Variants in RASGRP3 observed in about 807,000 individuals in gnomAD.
RASGRP3 encodes the protein ras guanyl-releasing protein 3.
RASGRP3 carries 54 observed loss-of-function variants against 82.7 expected under a neutral mutation model. The observed-to-expected ratio is 0.65, with a 90% CI of 0.52 to 0.82. RASGRP3 has a LOEUF of 0.82. Ranked by LOEUF, RASGRP3 falls within the 40% of genes least tolerant of loss-of-function variation. The pLI, the probability that RASGRP3 is intolerant of heterozygous loss-of-function variation, is 0.00. For missense variants in RASGRP3, 861 were observed against 828.9 expected (o/e 1.04, Z -0.48); for synonymous variants, 309 against 300.5 (o/e 1.03, Z -0.29).
intron 17 of RASGRP3, among the ~76,000 whole-genome samples, chr2:33,560,168 T>G (rs1380004467): frequency 1.3e-5 from 2 of 152,172 alleles, no homozygotes; most frequent in African/African-American, 4.8e-5. Context: ...ATCACTACAA[T>G]CTAATTTTAG....
At chr2:33,457,390 C>T (rs1054835499) in intron 2 of RASGRP3, among the ~76,000 whole-genome samples, 3 of 151,872 alleles carry the variant, frequency 2.0e-5, no homozygotes, top group African/African-American at 7.3e-5. Context: ...TGAAAACATG[C>T]TTTATTGTAA....
At chr2:33,561,940 T>TATC (rs1449009310) in intron 17 of RASGRP3, among the ~76,000 whole-genome samples, 1 of 152,226 alleles carries the variant, frequency 6.6e-6, no homozygotes, top group Admixed American at 6.5e-5. Context: ...TGTTTTCCTT[T>TATC]ATCTTCTACT....
chr2:33,523,192 G>A (rs1331449034), intron 7 of RASGRP3, among the ~76,000 whole-genome samples: 2 of 152,030 alleles, frequency 1.3e-5, no homozygotes, highest in East Asian at 1.9e-4. Flanking sequence ...GGAGATTCTT[G>A]GCCGGGCGCG....
At chr2:33,460,764 C>T (rs949621129) in intron 2 of RASGRP3, among the ~76,000 whole-genome samples, 1 of 152,110 alleles carries the variant, frequency 6.6e-6, no homozygotes, top group Non-Finnish European at 1.5e-5. Context: ...ATCAGCCTGC[C>T]TCAGCCTCCC....
Position 33,543,560 on chromosome 2 carries a change from G to C in RASGRP3, c.1327G>C (p.Glu443Gln), listed in dbSNP as rs62149026. The C allele has an allele frequency of 1.7e-4, 282 of 1,611,972 alleles. No individual in the cohort carries two copies. The highest frequency in any genetic ancestry group is 2.2e-4 in the Non-Finnish European group (264 of 1,178,424). Residue 443 changes from glutamate (E) to glutamine (Q), a missense_variant, in exon 13 of 18, where the codon GAG becomes CAG. Physicochemically the swap from Glu to Gln is conservative, Grantham distance 29. Transcript: ENST00000403687. Reference protein sequence around the residue: ...DHDHDGYISQEDFESIAANFP... With the variant: ...DHDHDGYISQQDFESIAANFP... Reference sequence around the variant, plus strand: ...CGACCATGATGGGTACATTTCCCAAGAGGACTTTGAAAGTATAGCTGCCAA... The same window carrying C: ...CGACCATGATGGGTACATTTCCCAACAGGACTTTGAAAGTATAGCTGCCAA...
In RASGRP3 at chr2:33,516,051, C is replaced by T. The variant is rs188935088; in HGVS notation, c.71-491C>T. 7.6e-4 allele frequency among the ~76,000 whole-genome samples: 116 copies of T among 152,224 alleles called. 1 individual carries two copies. The highest frequency in any genetic ancestry group is 2.5e-3 in the Admixed American group (38 of 15,290). ...TTTACTAAAACTGTCAACTGTAGACCAGAGGAAGGGTAAGACCCACCCACC... is the reference window on the plus strand; with the variant it reads ...TTTACTAAAACTGTCAACTGTAGACTAGAGGAAGGGTAAGACCCACCCACC... On this transcript the variant is annotated intron_variant, in intron 3 of 17. Transcript: ENST00000403687.
At chr2:33,518,114 A>G (rs12475635) in intron 4 of RASGRP3, among the ~76,000 whole-genome samples, 95,647 of 152,044 alleles carry the variant, frequency 0.63, 30,646 homozygotes, top group Middle Eastern at 0.76. Flanking sequence ...ACGGGGATAC[A>G]TTCTAAGAAA....
chr2:33,500,888 C>A (rs528757542), intron 1 of RASGRP3, among the ~76,000 whole-genome samples: 1 of 152,078 alleles, frequency 6.6e-6, no homozygotes, highest in Non-Finnish European at 1.5e-5. Context: ...GAGCCAAGAT[C>A]GCACCACTGC....
intron 1 of RASGRP3, among the ~76,000 whole-genome samples, chr2:33,501,842 T>C (rs1669902547): frequency 6.6e-6 from 1 of 152,156 alleles, no homozygotes; most frequent in South Asian, 2.1e-4. Context: ...GAAGAGATGT[T>C]GCCAGGAAAA....
chr2:33,535,479 A>G (rs1673516033), intron 11 of RASGRP3, among the ~76,000 whole-genome samples: 1 of 152,256 alleles, frequency 6.6e-6, no homozygotes, highest in African/African-American at 2.4e-5. Context: ...ATTGGCAGTG[A>G]CTATGCCCCC....
At chr2:33,510,964 A>G (rs1670869824) in intron 1 of RASGRP3, among the ~76,000 whole-genome samples, 1 of 152,208 alleles carries the variant, frequency 6.6e-6, no homozygotes, top group Admixed American at 6.5e-5. Context: ...CAACCTCAGA[A>G]GGATGTTTTT....
intron 2 of RASGRP3, among the ~76,000 whole-genome samples, chr2:33,450,607 TATCC>T (rs1665731627): frequency 6.6e-6 from 1 of 152,064 alleles, no homozygotes; most frequent in Non-Finnish European, 1.5e-5. Flanking sequence ...GCATTTTCTT[TATCC>T]ATTCAACTGT....
At chr2:33,515,341 G>C (rs1372936081) in intron 3 of RASGRP3, 135 bp downstream of exon 3, 1 of 823,698 alleles carries the variant, frequency 1.2e-6, no homozygotes, top group South Asian at 1.6e-5. Flanking sequence ...ATGGACCCGG[G>C]TCTGTCTCTC....
chr2:33,542,565 T>C (rs2151076058), intron 12 of RASGRP3, among the ~76,000 whole-genome samples: 1 of 147,538 alleles, frequency 6.8e-6, no homozygotes, highest in East Asian at 1.9e-4. Context: ...TATTTGAATT[T>C]GTAAATTCAC....
chr2:33,518,787 C>T (rs1211705601), intron 4 of RASGRP3, among the ~76,000 whole-genome samples: 1 of 151,930 alleles, frequency 6.6e-6, no homozygotes, highest in Non-Finnish European at 1.5e-5. Flanking sequence ...TTTAGGTTTA[C>T]ACAGGCTCAG....
chr2:33,515,436 C>T (rs1294746063), intron 3 of RASGRP3, among the ~76,000 whole-genome samples: 1 of 152,188 alleles, frequency 6.6e-6, no homozygotes, highest in Non-Finnish European at 1.5e-5. Context: ...GTTTCTGGAA[C>T]ATTCTCTGCA....
intron 1 of RASGRP3, among the ~76,000 whole-genome samples, chr2:33,440,546 A>G (rs1665169211): frequency 6.6e-6 from 1 of 152,196 alleles, no homozygotes. Flanking sequence ...GCTAGAACCC[A>G]GTTTTTAGCC....
At chr2:33,492,525 A>T (rs912455482) in intron 1 of RASGRP3, among the ~76,000 whole-genome samples, 2 of 152,150 alleles carry the variant, frequency 1.3e-5, no homozygotes, top group Non-Finnish European at 2.9e-5. Context: ...GATAGAGCCT[A>T]TAAGGAGGTA....
At chr2:33,502,626 C>A (rs997139373) in intron 1 of RASGRP3, among the ~76,000 whole-genome samples, 1 of 151,816 alleles carries the variant, frequency 6.6e-6, no homozygotes, top group Non-Finnish European at 1.5e-5. Flanking sequence ...GATTCTCCTG[C>A]CTCAGCCTCC....
Sources: gnomAD v4.1 joint callset for allele counts (sites outside exome capture counted in the v4.1 genomes callset) on GRCh38, gnomAD v4.1.1 for gene constraint, MANE v1.5 for transcripts, NCBI Gene and HGNC (gene_info 2026-07-23, HGNC 2026-07-21) for gene names.